The following HSPG2 variants were observed in gnomAD, a reference collection of about 807,000 sequenced individuals.
The protein encoded by HSPG2 is heparan sulfate proteoglycan 2.
A neutral mutation model predicts 526.6 loss-of-function variants in HSPG2; 278 were observed. The observed-to-expected ratio is 0.53, with a 90% CI of 0.48 to 0.58. HSPG2 has a LOEUF of 0.58. Among genes scored for constraint, HSPG2 ranks in the 20% least tolerant of loss-of-function variants. The pLI is 0.00. For synonymous variants in HSPG2, 2,465 were observed against 2,555.4 expected, an observed-to-expected ratio of 0.96 and a Z score of 1.07; for missense variants, 5,354 against 6,099.5, an observed-to-expected ratio of 0.88 and a Z score of 4.07.
At chr1:21,930,305 C>G (rs1644314940) in intron 1 of HSPG2, among the ~76,000 whole-genome samples, 1 of 152,192 alleles carries the variant, frequency 6.6e-6, no homozygotes, top group South Asian at 2.1e-4. Context: ...TCCTACCACC[C>G]CACCCTACCT....
At chr1:21,907,129 G>A (rs773476070) in intron 1 of HSPG2, among the ~76,000 whole-genome samples, 5 of 152,136 alleles carry the variant, frequency 3.3e-5, no homozygotes, top group African/African-American at 9.7e-5. Context: ...GACTCCTGTC[G>A]GAGGTGAAAG....
At chr1:21,838,007 G>A (rs999847141) in intron 74 of HSPG2, among the ~76,000 whole-genome samples, 1 of 151,810 alleles carries the variant, frequency 6.6e-6, no homozygotes, top group Non-Finnish European at 1.5e-5. Flanking sequence ...GTGGTGGCGC[G>A]TGCCTGTAGT....
At chr1:21,907,176 T>A (rs1459617594) in intron 1 of HSPG2, among the ~76,000 whole-genome samples, 1 of 152,150 alleles carries the variant, frequency 6.6e-6, no homozygotes, top group Non-Finnish European at 1.5e-5. Context: ...CCTGGTCCGC[T>A]TGGACCCTCC....
chr1:21,834,637 C>T (rs746719752), intron 77 of HSPG2, 42 bp downstream of exon 77: 3 of 1,611,104 alleles, frequency 1.9e-6, no homozygotes, highest in Non-Finnish European at 1.7e-6. Flanking sequence ...AAGCCCCTGC[C>T]CCACTCACTG....
Position 21,842,896 on chromosome 1 carries a change from G to A in HSPG2, c.8784C>T (p.Tyr2928=), listed in dbSNP as rs762082607. The part of the protein sequence containing the change: ...IPAPGLAQPI[Y]IEASSSHVTE... ...TCACGTGTGAAGAGGAGGCCTCGAT[G>A]TAGATGGGCTGGGCCAGTCCTGGAG... is the stretch of plus-strand genomic sequence containing the variant. The change falls in exon 67 of 97, where the codon TAC becomes TAT. Residue 2928 remains tyrosine (Y), a synonymous_variant. Coordinates refer to ENST00000374695, the MANE Select transcript of HSPG2 (RefSeq NM_005529.7). 17 of 1,614,142 alleles carry A rather than the reference G, an allele frequency of 1.1e-5. No homozygotes were observed. Among genetic ancestry groups the A allele is most frequent in the Non-Finnish European group, 1.4e-5 (17 of 1,180,018 alleles).
At position 21,904,366 on chromosome 1, in the gene HSPG2, G is replaced by A. The variant is rs758822971; in HGVS notation, c.64-8056C>T. On this transcript the variant is annotated intron_variant, in intron 1 of 96. Transcript: ENST00000374695. The surrounding 1 kb of genome is among the most constrained non-coding windows in gnomAD (Gnocchi z 4.4). The stretch of plus-strand genomic sequence containing the variant: ...CTGAGGCCAGGGCTGGAGAGGGCAC[G>A]GCACGTTCGCGGGGTGGGAGGAAGC... 1.3e-5 allele frequency among the ~76,000 whole-genome samples: 2 copies of A among 152,206 alleles called. No individual in the cohort carries two copies. Among genetic ancestry groups the A allele is most frequent in the African/African-American group, 2.4e-5 (1 of 41,450 alleles).
At chr1:21,879,349 C>G (rs1641330852) in intron 17 of HSPG2, among the ~76,000 whole-genome samples, 1 of 152,204 alleles carries the variant, frequency 6.6e-6, no homozygotes, top group African/African-American at 2.4e-5. Context: ...TTGACCTAAA[C>G]CTGCCACCCT....
chr1:21,833,701 A>T, intron 78 of HSPG2, 87 bp from the exon 79 acceptor site: 1 of 1,590,266 alleles, frequency 6.3e-7, no homozygotes, highest in Non-Finnish European at 8.6e-7. Context: ...CCCACCTTCC[A>T]ACATTGAGCG....
Position 21,884,821 on chromosome 1 carries a change from G to A in HSPG2, c.1453C>T (p.Arg485Trp), listed in dbSNP as rs545346795. ...TCAGGAATGCCAAACACCATGCCCC[G>A]GGCGTTCATGGCCTCACAGGTGTAG... ...GAYTCEAMNARGMVFGIPDGV... is the reference protein window; with the variant it reads ...GAYTCEAMNAWGMVFGIPDGV... The change falls in exon 12 of 97, where the codon CGG (arginine) becomes TGG (tryptophan). Residue 485 changes from arginine to tryptophan, a missense_variant. Coordinates refer to ENST00000374695, the MANE Select transcript of HSPG2 (RefSeq NM_005529.7). 175 of 1,613,822 alleles carry A rather than the reference G, an allele frequency of 1.1e-4. 4 individuals carry two copies. The South Asian group carries it at 1.8e-3, about 16-fold the overall frequency.
At chr1:21,837,966 T>A (rs1369632961) in intron 74 of HSPG2, among the ~76,000 whole-genome samples, 1 of 151,564 alleles carries the variant, frequency 6.6e-6, no homozygotes. Flanking sequence ...CGAATCCCCT[T>A]CTCTACTAAA....
At chr1:21,849,405 T>C (rs1410640714) in intron 57 of HSPG2, among the ~76,000 whole-genome samples, 2 of 152,230 alleles carry the variant, frequency 1.3e-5, no homozygotes, top group African/African-American at 2.4e-5. Flanking sequence ...AGGGGGACTC[T>C]TGTCCAGCAG....
intron 37 of HSPG2, among the ~76,000 whole-genome samples, chr1:21,862,859 G>C (rs1639907731): frequency 6.6e-6 from 1 of 151,658 alleles, no homozygotes; most frequent in Non-Finnish European, 1.5e-5. Flanking sequence ...TCAGGAGTTA[G>C]AGACCAGCCT....
At chr1:21,901,822 C>G (rs1385490654) in intron 1 of HSPG2, among the ~76,000 whole-genome samples, 1 of 152,128 alleles carries the variant, frequency 6.6e-6, no homozygotes, top group Non-Finnish European at 1.5e-5. Context: ...GCCCACCTGC[C>G]TCCCTGCCAC....
intron 1 of HSPG2, among the ~76,000 whole-genome samples, chr1:21,905,096 C>T (rs1007279374): frequency 5.3e-5 from 8 of 152,044 alleles, no homozygotes; most frequent in East Asian, 3.9e-4. Context: ...GACTCACCAA[C>T]GGGTGAGAGG....
At chr1:21,918,466 A>AT (rs1643942306) in intron 1 of HSPG2, among the ~76,000 whole-genome samples, 2 of 150,210 alleles carry the variant, frequency 1.3e-5, no homozygotes, top group South Asian at 2.1e-4. Context: ...CTCTGTGGGA[A>AT]TAAAAAAAAA....
chr1:21,883,000 G>T (rs765268454), intron 13 of HSPG2, among the ~76,000 whole-genome samples: 5 of 151,854 alleles, frequency 3.3e-5, no homozygotes, highest in Non-Finnish European at 7.4e-5. Context: ...CTCCCTCCTG[G>T]TCACCATCCA....
chr1:21,922,514 G>A (rs1644067819), intron 1 of HSPG2, among the ~76,000 whole-genome samples: 1 of 152,222 alleles, frequency 6.6e-6, no homozygotes, highest in South Asian at 2.1e-4. Flanking sequence ...GGAGGGAGCA[G>A]GAGAGAGTCC....
rs146765570 is a variant in HSPG2 at position 21,875,378 on chromosome 1, C to T, written c.3302+251G>A. 7.9e-5 allele frequency among the ~76,000 whole-genome samples: 12 copies of T among 152,232 alleles called. 1 individual carries two copies. The highest frequency in any genetic ancestry group is 6.8e-3 in the Middle Eastern group (2 of 294). On this transcript the variant is annotated intron_variant, in intron 25 of 96. Coordinates refer to ENST00000374695, the MANE Select transcript of HSPG2 (RefSeq NM_005529.7). ...GACCTGAAACCATATCCCTGCATGG[C>T]CCCTCCCCCCTCCTGCGTCCCTCTC...
chr1:21,832,648 A>T lies in HSPG2; in HGVS notation c.11096-42T>A, dbSNP rs183887227. ...GTGTAAGGGGCCCCCTTCCAGCCAC[A>T]GGCTCCCTGTCCTCCCCCACCCTAG... On this transcript the variant is annotated intron_variant, in intron 80 of 96. Transcript: ENST00000374695. The T allele has an allele frequency of 1.3e-5, 20 of 1,495,452 alleles. No homozygotes were observed. In the African/African-American group the frequency reaches 2.2e-4, roughly 16 times the overall value. The allele number at this position is 1,495,452 out of a possible 1,614,324, so 92.6% of individuals were successfully genotyped here.
Sources: allele counts gnomAD v4.1 joint callset (sites outside exome capture counted in the v4.1 genomes callset), GRCh38; gene constraint gnomAD v4.1.1; non-coding constraint Gnocchi (gnomAD v3.1); transcripts MANE v1.5; gene names NCBI Gene and HGNC (gene_info 2026-07-23, HGNC 2026-07-21).